The following C5AR2 variants were observed in gnomAD, a reference collection of about 807,000 sequenced individuals.
C5AR2 encodes the protein complement C5a receptor 2, also known as C5a anaphylatoxin chemotactic receptor 2.
For synonymous variants in C5AR2, 224 were observed against 216.5 expected, an observed-to-expected ratio of 1.03 and a Z score of -0.30; for missense variants, 458 against 467.5, an observed-to-expected ratio of 0.98 and a Z score of 0.19.
Position 47,341,444 on chromosome 19 carries a change from C to G in C5AR2, c.645C>G (p.Ala215=), listed in dbSNP as rs1448062368. ...TTGGCTTCCTGGGGCCCCTGGTGGC[C>G]GTGGCCAGCTGCCACAGTGCCCTCC... ...FLFGFLGPLV[A]VASCHSALLC... The change falls in exon 2 of 2, where the codon GCC becomes GCG. Residue 215 remains alanine, a synonymous_variant. Coordinates refer to ENST00000595464, the MANE Select transcript of C5AR2 (RefSeq NM_001271749.2). The surrounding 1 kb of genome is among the most constrained non-coding windows in gnomAD (Gnocchi z 4.6). 6.2e-7 allele frequency: 1 copy of G among 1,611,724 alleles called. No homozygotes were observed. Among genetic ancestry groups the G allele is most frequent in the Non-Finnish European group, 8.5e-7 (1 of 1,179,880 alleles).
chr19:47,345,694 T>C lies in C5AR2; in HGVS notation c.*3881T>C, dbSNP rs1416658588. The stretch of plus-strand genomic sequence containing the variant: ...GGCCTGATATTTTATTACTTAGTAT[T>C]TTACTCTGAATTATCATGCGTGAAT... On this transcript the variant is annotated 3_prime_UTR_variant, in exon 2 of 2. Transcript: ENST00000595464. 1 of 151,744 alleles carries C rather than the reference T, an allele frequency of 6.6e-6. No individual in the cohort carries two copies. The highest frequency in any genetic ancestry group is 1.5e-5 in the Non-Finnish European group (1 of 67,946). 9.4% of individuals were successfully genotyped at this position (151,744 alleles called of 1,614,324 possible).
At chr19:47,340,528 C>T (rs543628748) in intron 1 of C5AR2, among the ~76,000 whole-genome samples, 4 of 151,916 alleles carry the variant, frequency 2.6e-5, no homozygotes, top group South Asian at 2.1e-4. Context: ...TTAGTAGAGA[C>T]GGTGTTTCAC....
intron 1 of C5AR2, among the ~76,000 whole-genome samples, chr19:47,333,782 T>G (rs1016250209): frequency 2.2e-4 from 33 of 152,144 alleles, no homozygotes; most frequent in Admixed American, 5.9e-4. Flanking sequence ...GGTTTCACCA[T>G]GTTAGCCAGG....
At position 47,341,618 on chromosome 19, in the gene C5AR2, A is replaced by ACCCCTCAT. The variant is rs1386315020; in HGVS notation, c.821_828dup (p.Val277ProfsTer38). 10 of 1,613,838 alleles carry ACCCCTCAT rather than the reference A, an allele frequency of 6.2e-6. No homozygotes were observed. The African/African-American group carries it at 1.3e-4, about 22-fold the overall frequency. On this transcript the variant is annotated frameshift_variant, in exon 2 of 2. Coordinates refer to ENST00000595464, the MANE Select transcript of C5AR2 (RefSeq NM_001271749.2). LOFTEE classifies it low-confidence loss of function (END_TRUNC). The surrounding 1 kb of genome is among the most constrained non-coding windows in gnomAD (Gnocchi z 4.6). ...TCCTGGCCAGGGCCCTGCGGGCTGAACCCCTCATCGTGGGCCTTGCCCTCG... is the reference window on the plus strand; with the variant it reads ...TCCTGGCCAGGGCCCTGCGGGCTGAACCCCTCATCCCCTCATCGTGGGCCTTGCCCTCG...
Position 47,341,890 on chromosome 19 carries a change from G to C in C5AR2, c.*77G>C, listed in dbSNP as rs1435781869. 1.5e-6 allele frequency: 2 copies of C among 1,305,030 alleles called. No homozygotes were observed. Among genetic ancestry groups the C allele is most frequent in the African/African-American group, 2.9e-5 (2 of 68,168 alleles). 80.8% of individuals were successfully genotyped at this position (1,305,030 alleles called of 1,614,324 possible). ...GCTTCAGGCATAGCTGGATCCAGGAGCTCAATGATGTCTTCATTTTATTCC... is the reference window on the plus strand; with the variant it reads ...GCTTCAGGCATAGCTGGATCCAGGACCTCAATGATGTCTTCATTTTATTCC... On this transcript the variant is annotated 3_prime_UTR_variant, in exon 2 of 2. Coordinates refer to ENST00000595464, the MANE Select transcript of C5AR2 (RefSeq NM_001271749.2). The surrounding 1 kb of genome is among the most constrained non-coding windows in gnomAD (Gnocchi z 4.6).
In C5AR2 at chr19:47,341,254, A is replaced by G; in HGVS notation, c.455A>G (p.Gln152Arg). Residue 152 changes from glutamine (Q) to arginine (R), a missense_variant, in exon 2 of 2, where the codon CAG becomes CGG. By Grantham distance (43) the Gln-to-Arg change is conservative (BLOSUM62 1). Transcript: ENST00000595464. The surrounding 1 kb of genome is among the most constrained non-coding windows in gnomAD (Gnocchi z 4.6). ...ACGGTTCAGCGGGCGTGCGGGGTGC[A>G]GGTGGCCTGTGGGGCAGCCTGGACA... Reference protein sequence around the residue: ...WSTVQRACGVQVACGAAWTLA... With the variant: ...WSTVQRACGVRVACGAAWTLA... 1 of 1,603,434 alleles carries G rather than the reference A, an allele frequency of 6.2e-7. No individual in the cohort carries two copies. The highest frequency in any genetic ancestry group is 8.5e-7 in the Non-Finnish European group (1 of 1,179,814).
rs1969079197 is a variant in C5AR2 at position 47,343,771 on chromosome 19, G to C, written c.*1958G>C. 6.6e-6 allele frequency: 1 copy of C among 151,880 alleles called. No homozygotes were observed. The highest frequency in any genetic ancestry group is 1.9e-4 in the East Asian group (1 of 5,186). 9.4% of individuals were successfully genotyped at this position (151,880 alleles called of 1,614,324 possible). A position where few individuals can be genotyped will look rare whatever the true frequency, so the allele number is the denominator to read the frequency against. ...GTAGATTGCTTGAGCCCGGGAAGTG[G>C]AGTTTGCAGTGAGCTTAGATCACAC... On this transcript the variant is annotated 3_prime_UTR_variant, in exon 2 of 2. Transcript: ENST00000595464.
At chr19:47,340,663 G>A (rs2122170284) in intron 1 of C5AR2, 122 bp from the exon 2 acceptor site, 1 of 858,032 alleles carries the variant, frequency 1.2e-6, no homozygotes, top group African/African-American at 1.7e-5. Context: ...AAGCACTGGA[G>A]TCCTTATGAC....
intron 1 of C5AR2, among the ~76,000 whole-genome samples, chr19:47,333,163 C>T (rs906950171): frequency 1.3e-5 from 2 of 151,388 alleles, no homozygotes; most frequent in Non-Finnish European, 2.9e-5. Flanking sequence ...CGCCACCACA[C>T]CTAGCTAATT....
rs745516749 is a variant in C5AR2 at position 47,341,150 on chromosome 19, C to G, written c.351C>G (p.Thr117=). The G allele has an allele frequency of 6.2e-7, 1 of 1,601,522 alleles. No individual in the cohort carries two copies. The highest frequency in any genetic ancestry group is 8.5e-7 in the Non-Finnish European group (1 of 1,179,884). Residue 117 remains threonine (T), a synonymous_variant, in exon 2 of 2, where the codon ACC becomes ACG. Transcript: ENST00000595464. The surrounding 1 kb of genome is among the most constrained non-coding windows in gnomAD (Gnocchi z 4.6). ...CGCTGCCCTCCATCATCCTGCTGAC[C>G]ATGTATGCCAGCGTCCTGCTCCTGG... ...CRALPSIILL[T]MYASVLLLAA... is the part of the protein sequence containing the mutation.
In C5AR2 at chr19:47,341,625, A is replaced by G; in HGVS notation, c.826A>G (p.Ile276Val). Residue 276 changes from isoleucine (I) to valine (V), a missense_variant, in exon 2 of 2, where the codon ATC becomes GTC. Physicochemically the swap from Ile to Val is conservative, Grantham distance 29 (BLOSUM62 3). Coordinates refer to ENST00000595464, the MANE Select transcript of C5AR2 (RefSeq NM_001271749.2). This position sits in a 1 kb window ranked among gnomAD's most constrained non-coding sequence, Gnocchi z 4.6. ...LARALRAEPL[I>V]VGLALAHSCL... Reference sequence around the variant, plus strand: ...CAGGGCCCTGCGGGCTGAACCCCTCATCGTGGGCCTTGCCCTCGCTCACAG... The same window carrying G: ...CAGGGCCCTGCGGGCTGAACCCCTCGTCGTGGGCCTTGCCCTCGCTCACAG... The G allele has an allele frequency of 6.2e-7, 1 of 1,613,960 alleles. No homozygotes were observed. The highest frequency in any genetic ancestry group is 8.5e-7 in the Non-Finnish European group (1 of 1,179,976).
At chr19:47,332,758 T>A (rs2059344355) in intron 1 of C5AR2, among the ~76,000 whole-genome samples, 1 of 152,076 alleles carries the variant, frequency 6.6e-6, no homozygotes, top group Non-Finnish European at 1.5e-5. Context: ...TTCTCCATGT[T>A]GGTCAGGCTG....
Position 47,340,857 on chromosome 19 carries a change from C to G in C5AR2, c.58C>G (p.Pro20Ala). The G allele has an allele frequency of 6.2e-7, 1 of 1,613,676 alleles. No homozygotes were observed. The highest frequency in any genetic ancestry group is 8.5e-7 in the Non-Finnish European group (1 of 1,179,996). Residue 20 changes from proline (P) to alanine (A), a missense_variant, in exon 2 of 2, where the codon CCT becomes GCT. Physicochemically the swap from Pro to Ala is conservative, Grantham distance 27. Coordinates refer to ENST00000595464, the MANE Select transcript of C5AR2 (RefSeq NM_001271749.2). ...GGATTACAGCGACCTCTCGGACCGC[C>G]CTGTGGACTGCCTGGATGGCGCCTG... ...YGDYSDLSDRPVDCLDGACLA... is the reference protein window; with the variant it reads ...YGDYSDLSDRAVDCLDGACLA...
chr19:47,341,164 T>G lies in C5AR2; in HGVS notation c.365T>G (p.Val122Gly). 1 of 1,601,132 alleles carries G rather than the reference T, an allele frequency of 6.2e-7. No homozygotes were observed. Residue 122 changes from valine to glycine, a missense_variant, in exon 2 of 2, where the codon GTC (valine) becomes GGC (glycine). Val to Gly is a moderately radical substitution (Grantham distance 109, BLOSUM62 -3). Coordinates refer to ENST00000595464, the MANE Select transcript of C5AR2 (RefSeq NM_001271749.2). This position sits in a 1 kb window ranked among gnomAD's most constrained non-coding sequence, Gnocchi z 4.6. ...ATCCTGCTGACCATGTATGCCAGCG[T>G]CCTGCTCCTGGCAGCTCTCAGTGCC... ...SIILLTMYASVLLLAALSADL... is the reference protein window; with the variant it reads ...SIILLTMYASGLLLAALSADL...
At chr19:47,337,432 G>C (rs2059362517) in intron 1 of C5AR2, among the ~76,000 whole-genome samples, 1 of 152,150 alleles carries the variant, frequency 6.6e-6, no homozygotes, top group Non-Finnish European at 1.5e-5. Flanking sequence ...GGGAGGCTGA[G>C]GTGGGCGGAT....
Position 47,344,301 on chromosome 19 carries a change from C to A in C5AR2, c.*2488C>A, listed in dbSNP as rs150354158. ...GGTTGAGGCTGCAGTGAGCCGTGAT[C>A]TCATCACTGCACTCTAGCCTAGGTG... On this transcript the variant is annotated 3_prime_UTR_variant, in exon 2 of 2. Transcript: ENST00000595464. 3.3e-5 allele frequency: 5 copies of A among 152,448 alleles called. No homozygotes were observed. The highest frequency in any genetic ancestry group is 7.2e-5 in the African/African-American group (3 of 41,570). 9.4% of individuals were successfully genotyped at this position (152,448 alleles called of 1,614,324 possible).
intron 1 of C5AR2, among the ~76,000 whole-genome samples, chr19:47,337,574 A>G (rs2059363095): frequency 6.6e-6 from 1 of 151,756 alleles, no homozygotes; most frequent in African/African-American, 2.4e-5. Flanking sequence ...AGGCGGGAGA[A>G]TTGCTTGAAC....
intron 1 of C5AR2, among the ~76,000 whole-genome samples, chr19:47,334,579 G>A (rs2059350464): frequency 6.6e-6 from 1 of 152,140 alleles, no homozygotes; most frequent in African/African-American, 2.4e-5. Flanking sequence ...GCTGTGGTGA[G>A]CCGAGGTTGA....
chr19:47,334,785 C>T (rs1599738159), intron 1 of C5AR2, among the ~76,000 whole-genome samples: 1 of 152,180 alleles, frequency 6.6e-6, no homozygotes, highest in East Asian at 1.9e-4. Context: ...GTGGCGCGAT[C>T]TTGGCTCACT....
Sources: gnomAD v4.1 joint callset for allele counts (sites outside exome capture counted in the v4.1 genomes callset) on GRCh38, gnomAD v4.1.1 for gene constraint, Gnocchi (gnomAD v3.1) non-coding constraint, MANE v1.5 for transcripts, NCBI Gene and HGNC (gene_info 2026-07-23, HGNC 2026-07-21) for gene names.